PHACTR1: variants seen among roughly 807,000 people sequenced by gnomAD.
PHACTR1 encodes the protein RPEL repeat containing 1.
Under a neutral mutation model 69.2 loss-of-function variants are expected in PHACTR1, and 16 were observed. The observed-to-expected ratio is 0.23, with a 90% CI of 0.16 to 0.35. The LOEUF is 0.35. PHACTR1 is among the 10% of genes least tolerant of loss of function. The probability of loss-of-function intolerance (pLI) is 1.00; values close to 1 mark genes in which losing one functional copy is unlikely to be tolerated. For synonymous variants in PHACTR1, 312 were observed against 284.5 expected (o/e 1.10, Z -0.97); for missense variants, 510 against 734.7 (o/e 0.69, Z 3.54).
chr6:13,212,884 T>C (rs1436528326), intron 8 of PHACTR1, among the ~76,000 whole-genome samples: 1 of 152,184 alleles, frequency 6.6e-6, no homozygotes, highest in Non-Finnish European at 1.5e-5. Flanking sequence ...CGTTCAATAT[T>C]GCAACCCTCC....
Position 12,804,590 on chromosome 6 carries a change from G to C in PHACTR1, c.250+54800G>C, listed in dbSNP as rs192046460. Among the ~76,000 whole-genome samples, 451 of 152,304 alleles carry C rather than the reference G, an allele frequency of 3.0e-3. 2 individuals carry two copies. Among genetic ancestry groups the C allele is most frequent in the African/African-American group, 0.01 (424 of 41,566 alleles). On this transcript the variant is annotated intron_variant, in intron 4 of 14. Coordinates refer to ENST00000332995, the MANE Select transcript of PHACTR1 (RefSeq NM_030948.6). ...CGCCTGTAACCCCAGCATTTTGGGA[G>C]GGGGGTGGATCCCTTGAGCCCAGGA...
At chr6:12,981,928 C>T (rs1385755882) in intron 4 of PHACTR1, among the ~76,000 whole-genome samples, 3 of 152,154 alleles carry the variant, frequency 2.0e-5, no homozygotes, top group Admixed American at 1.3e-4. Flanking sequence ...TTGTATCTCC[C>T]GAATCCACCT....
At position 12,718,766 on chromosome 6, in the gene PHACTR1, T is replaced by C. The variant is rs1761727246; in HGVS notation, c.22T>C (p.Tyr8His). The C allele has an allele frequency of 6.4e-7, 1 of 1,561,544 alleles. No individual in the cohort carries two copies. The highest frequency in any genetic ancestry group is 8.7e-7 in the Non-Finnish European group (1 of 1,149,592). Reference protein sequence around the residue: MDYPKMDYFLDVESAHRL... With the variant: MDYPKMDHFLDVESAHRL... Reference sequence around the variant, plus strand: ...AAGGATGGATTATCCCAAAATGGATTATTTTCTGGATGTAGAGTCTGCTCA... The same window carrying C: ...AAGGATGGATTATCCCAAAATGGATCATTTTCTGGATGTAGAGTCTGCTCA... The change falls in exon 3 of 15, where the codon TAT becomes CAT. Residue 8 changes from tyrosine (Y) to histidine (H), a missense_variant. Transcript: ENST00000332995.
chr6:12,964,212 C>T (rs960620026), intron 4 of PHACTR1, among the ~76,000 whole-genome samples: 10 of 151,848 alleles, frequency 6.6e-5, no homozygotes, highest in East Asian at 1.9e-4. Context: ...CAAAGAGTTC[C>T]GCAGTATATG....
At chr6:12,731,508 A>G (rs1341319373) in intron 3 of PHACTR1, among the ~76,000 whole-genome samples, 1 of 152,212 alleles carries the variant, frequency 6.6e-6, no homozygotes, top group African/African-American at 2.4e-5. Context: ...CATTAGCCTT[A>G]TATCTGATGC....
intron 4 of PHACTR1, among the ~76,000 whole-genome samples, chr6:12,948,969 T>C (rs1201217789): frequency 1.3e-5 from 2 of 151,812 alleles, no homozygotes; most frequent in Non-Finnish European, 2.9e-5. Context: ...GACATTGGGG[T>C]ACAAAGAAAT....
intron 10 of PHACTR1, among the ~76,000 whole-genome samples, chr6:13,235,411 C>A (rs1015597072): frequency 6.6e-6 from 1 of 152,144 alleles, no homozygotes; most frequent in Non-Finnish European, 1.5e-5. Flanking sequence ...ATTGAACATA[C>A]TACTCCAAAA....
intron 4 of PHACTR1, among the ~76,000 whole-genome samples, chr6:12,965,029 A>T (rs1793259751): frequency 6.6e-6 from 1 of 152,206 alleles, no homozygotes; most frequent in African/African-American, 2.4e-5. Context: ...GTATTTGCAT[A>T]TAATCTATGT....
chr6:12,986,512 T>C (rs1796209524), intron 4 of PHACTR1, among the ~76,000 whole-genome samples: 1 of 152,202 alleles, frequency 6.6e-6, no homozygotes, highest in African/African-American at 2.4e-5. Context: ...ATACTAATGC[T>C]CTTGCGTTCA....
intron 4 of PHACTR1, among the ~76,000 whole-genome samples, chr6:12,799,845 T>G (rs143393935): frequency 8.1e-4 from 123 of 152,304 alleles, no homozygotes; most frequent in African/African-American, 2.8e-3. Flanking sequence ...TGAATAGACA[T>G]AGAAAAAATG....
chr6:12,938,622 A>G (rs1174889141), intron 4 of PHACTR1, among the ~76,000 whole-genome samples: 1 of 148,204 alleles, frequency 6.7e-6, no homozygotes, highest in Admixed American at 6.6e-5. Context: ...AGCTTTTAAC[A>G]TATATATACA....
intron 3 of PHACTR1, among the ~76,000 whole-genome samples, chr6:12,746,237 G>A (rs1171252909): frequency 2.0e-5 from 3 of 152,184 alleles, no homozygotes; most frequent in Non-Finnish European, 4.4e-5. Flanking sequence ...ATAAAAATGT[G>A]ATAAAAGAAT....
At chr6:12,773,503 T>C (rs1438336567) in intron 4 of PHACTR1, among the ~76,000 whole-genome samples, 2 of 152,222 alleles carry the variant, frequency 1.3e-5, no homozygotes, top group African/African-American at 4.8e-5. Flanking sequence ...GAAATGCAAT[T>C]TTGCTTATTC....
intron 5 of PHACTR1, among the ~76,000 whole-genome samples, chr6:13,081,670 T>A (rs969768772): frequency 2.6e-5 from 4 of 151,782 alleles, no homozygotes; most frequent in African/African-American, 9.7e-5. Flanking sequence ...CAAAAAAAAA[T>A]TAATTAATTA....
chr6:12,743,878 T>C (rs899260175), intron 3 of PHACTR1, among the ~76,000 whole-genome samples: 7 of 152,132 alleles, frequency 4.6e-5, no homozygotes, highest in Non-Finnish European at 7.4e-5. Flanking sequence ...ACATCGCACT[T>C]ATTCCAAAAT....
At chr6:12,802,352 G>A (rs924353184) in intron 4 of PHACTR1, among the ~76,000 whole-genome samples, 6 of 151,978 alleles carry the variant, frequency 3.9e-5, no homozygotes, top group Non-Finnish European at 7.4e-5. Flanking sequence ...AAAAGGAACA[G>A]TCTTAGGAAC....
intron 4 of PHACTR1, among the ~76,000 whole-genome samples, chr6:13,025,232 G>C (rs761661030): frequency 1.3e-5 from 2 of 152,070 alleles, no homozygotes; most frequent in Admixed American, 6.5e-5. Flanking sequence ...TCTAGCCTGG[G>C]TGACAGAGCA....
At chr6:13,081,627 G>T (rs145157170) in intron 5 of PHACTR1, among the ~76,000 whole-genome samples, 25 of 152,116 alleles carry the variant, frequency 1.6e-4, no homozygotes, top group Non-Finnish European at 2.9e-4. Context: ...TTCGAGACTA[G>T]CCTGGGCAAC....
At chr6:12,832,368 ATGC>A (rs1017877822) in intron 4 of PHACTR1, among the ~76,000 whole-genome samples, 2 of 151,884 alleles carry the variant, frequency 1.3e-5, no homozygotes, top group African/African-American at 4.8e-5. Flanking sequence ...TAGCTTTAGA[ATGC>A]TGCTGTCATT....
Sources: gnomAD v4.1 joint callset for allele counts (sites outside exome capture counted in the v4.1 genomes callset) on GRCh38, gnomAD v4.1.1 for gene constraint, MANE v1.5 for transcripts, NCBI Gene and HGNC (gene_info 2026-07-23, HGNC 2026-07-21) for gene names.